The following TTC39A variants were observed in gnomAD, a reference collection of about 807,000 sequenced individuals.
TTC39A encodes the protein tetratricopeptide repeat protein 39A.
A neutral mutation model predicts 82.3 loss-of-function variants in TTC39A; 46 were observed. The ratio of observed to expected loss-of-function variants is 0.56; its 90% CI spans 0.44 to 0.71. TTC39A has a LOEUF of 0.71. Among genes scored for constraint, TTC39A ranks in the 30% least tolerant of loss-of-function variants. The probability of loss-of-function intolerance (pLI) is 0.00; values close to 1 mark genes in which losing one functional copy is unlikely to be tolerated. For missense variants in TTC39A, 543 were observed against 712.9 expected, an observed-to-expected ratio of 0.76 and a Z score of 2.71; for synonymous variants, 254 against 275.2, an observed-to-expected ratio of 0.92 and a Z score of 0.76.
At chr1:51,312,058 C>T in intron 4 of TTC39A, 61 bp downstream of exon 4, 1 of 1,542,448 alleles carries the variant, frequency 6.5e-7, no homozygotes, top group Non-Finnish European at 8.8e-7. Context: ...CTGCCCCTTC[C>T]TGGGCCTGGA....
At chr1:51,331,552 G>A (rs551000406), upstream of TTC39A, 2 of 985,450 alleles carry the variant, frequency 2.0e-6, no homozygotes, top group South Asian at 9.4e-5. Flanking sequence ...GGGACAGCCT[G>A]CAGAAGCAAC....
Position 51,288,136 on chromosome 1 carries a change from G to A in TTC39A, c.*21C>T, listed in dbSNP as rs1644057147. The stretch of plus-strand genomic sequence containing the variant: ...TCTGTCCAGCTGTCTCTGTCTTCCA[G>A]CCCGGAACTGCTGCACAAAGCTACA... On this transcript the variant is annotated 3_prime_UTR_variant, in exon 18 of 18. Coordinates refer to ENST00000680483, the MANE Select transcript of TTC39A (RefSeq NM_001297663.2). This position sits in a 1 kb window ranked among gnomAD's most constrained non-coding sequence, Gnocchi z 4.8. 5 of 1,613,762 alleles carry A rather than the reference G, an allele frequency of 3.1e-6. No homozygotes were observed. Among genetic ancestry groups the A allele is most frequent in the Non-Finnish European group, 4.2e-6 (5 of 1,179,736 alleles).
chr1:51,340,787 C>T (rs949205381), intron 1 of TTC39A, among the ~76,000 whole-genome samples: 7 of 152,192 alleles, frequency 4.6e-5, no homozygotes, highest in African/African-American at 1.7e-4. Flanking sequence ...CCTAACATTA[C>T]CCCCATTTTA....
At chr1:51,303,296 A>C in intron 8 of TTC39A, 104 bp from the exon 9 acceptor site, 1 of 988,046 alleles carries the variant, frequency 1.0e-6, no homozygotes, top group Non-Finnish European at 1.5e-6. Flanking sequence ...GCGGAAGAGC[A>C]CTGGAACCCT....
intron 1 of TTC39A, among the ~76,000 whole-genome samples, chr1:51,339,938 G>GT (rs969084228): frequency 2.6e-5 from 4 of 152,142 alleles, no homozygotes; most frequent in African/African-American, 4.8e-5. Flanking sequence ...GTATTAGGAG[G>GT]TGGGCCCTTT....
At chr1:51,322,406 T>G in intron 1 of TTC39A, 1 of 828,664 alleles carries the variant, frequency 1.2e-6, no homozygotes, top group Non-Finnish European at 1.7e-6. Flanking sequence ...TACGTTTCTC[T>G]ATAGCTTTTA....
intron 14 of TTC39A, 114 bp from the exon 15 acceptor site, chr1:51,290,739 T>A: frequency 1.3e-6 from 1 of 774,234 alleles, no homozygotes; most frequent in Non-Finnish European, 2.1e-6. Flanking sequence ...CTTCTAGCTC[T>A]AATCATCCAT....
chr1:51,317,628 C>T (rs191262687), intron 2 of TTC39A, among the ~76,000 whole-genome samples: 18 of 152,172 alleles, frequency 1.2e-4, no homozygotes, highest in Admixed American at 1.0e-3. Context: ...CGCGCACCTG[C>T]AATCCCAGCT....
upstream of TTC39A, chr1:51,330,622 C>G: frequency 1.0e-6 from 1 of 983,246 alleles, no homozygotes; most frequent in Non-Finnish European, 1.2e-6. This position sits in a 1 kb window ranked among gnomAD's most constrained non-coding sequence, Gnocchi z 4.5. Flanking sequence ...GCGGCGGGGC[C>G]GGGCCGAGCC....
chr1:51,309,516 C>T (rs2148216527), intron 5 of TTC39A, 191 bp from the exon 6 acceptor site: 5 of 1,360,568 alleles, frequency 3.7e-6, no homozygotes, highest in East Asian at 2.7e-5. Context: ...AGGGTTGGAC[C>T]AGCCTCCCAG....
intron 5 of TTC39A, among the ~76,000 whole-genome samples, chr1:51,311,023 C>G (rs1360553101): frequency 6.6e-6 from 1 of 152,180 alleles, no homozygotes; most frequent in Non-Finnish European, 1.5e-5. Flanking sequence ...AAACAGCATC[C>G]CGGTAATGGT....
chr1:51,324,993 G>A (rs1039780763), intron 1 of TTC39A, among the ~76,000 whole-genome samples: 9 of 151,920 alleles, frequency 5.9e-5, no homozygotes, highest in Non-Finnish European at 1.2e-4. Flanking sequence ...GGTGGCTCAT[G>A]CCTGTAATCC....
intron 12 of TTC39A, among the ~76,000 whole-genome samples, chr1:51,296,389 CAAG>C (rs2148137878): frequency 1.3e-5 from 2 of 152,322 alleles, no homozygotes; most frequent in South Asian, 4.1e-4. Context: ...GAAGCAGTGG[CAAG>C]AAGAACCCAT....
chr1:51,324,629 C>A (rs1327847141), intron 1 of TTC39A, among the ~76,000 whole-genome samples: 1 of 152,138 alleles, frequency 6.6e-6, no homozygotes, highest in Non-Finnish European at 1.5e-5. Flanking sequence ...TCAAGCTATT[C>A]TCCTGCCTCA....
At position 51,290,605 on chromosome 1, in the gene TTC39A, G is replaced by A. The variant is rs377706029; in HGVS notation, c.1287C>T (p.Asn429=). The A allele has an allele frequency of 5.1e-5, 83 of 1,613,522 alleles. No individual in the cohort carries two copies. The African/African-American group carries it at 6.5e-4, about 13-fold the overall frequency. ...GCTGCTTCCCAATCACGGCGTAGCC[G>A]TTCCAGATGTACATCATTTCCTGAA... The part of the protein sequence containing the change: ...VPALEMMYIW[N]GYAVIGKQPK... The change falls in exon 15 of 18, where the codon AAC becomes AAT. Residue 429 remains asparagine, a synonymous_variant. Coordinates refer to ENST00000680483, the MANE Select transcript of TTC39A (RefSeq NM_001297663.2).
chr1:51,318,730 G>A (rs1320749292), intron 2 of TTC39A, among the ~76,000 whole-genome samples: 1 of 152,186 alleles, frequency 6.6e-6, no homozygotes, highest in Non-Finnish European at 1.5e-5. Context: ...TCCCAATTCA[G>A]GCCGCCAGGG....
intron 16 of TTC39A, among the ~76,000 whole-genome samples, chr1:51,289,623 C>T (rs866080639): frequency 2.0e-5 from 3 of 152,330 alleles, no homozygotes; most frequent in Middle Eastern, 3.4e-3. Flanking sequence ...TCTTGGGGCA[C>T]CTGCTGTCCT....
rs1645854756 is a variant in TTC39A at position 51,330,232 on chromosome 1, G to A, written c.41+205C>T. 8.1e-6 allele frequency: 8 copies of A among 984,498 alleles called. No homozygotes were observed. In the African/African-American group the frequency reaches 8.7e-5, roughly 11 times the overall value. The allele number at this position is 984,498 out of a possible 1,614,324, so 61.0% of individuals were successfully genotyped here. ...CCAGAAGGTGAGTGACCGACCCGGG[G>A]TCCCCGCGCCTCCGCCTCCTCACAG... On this transcript the variant is annotated intron_variant, in intron 1 of 17. Coordinates refer to ENST00000680483, the MANE Select transcript of TTC39A (RefSeq NM_001297663.2). The surrounding 1 kb of genome is among the most constrained non-coding windows in gnomAD (Gnocchi z 4.5).
chr1:51,299,751 TG>T (rs1644579849), intron 12 of TTC39A: 1 of 152,206 alleles, frequency 6.6e-6, no homozygotes, highest in Admixed American at 6.5e-5. Flanking sequence ...CTTCCCCATA[TG>T]GTTAGCCCCA....
Sources: allele counts gnomAD v4.1 joint callset (sites outside exome capture counted in the v4.1 genomes callset), GRCh38; gene constraint gnomAD v4.1.1; non-coding constraint Gnocchi (gnomAD v3.1); transcripts MANE v1.5; gene names NCBI Gene and HGNC (gene_info 2026-07-23, HGNC 2026-07-21).